Variants in CIT observed in about 807,000 individuals in gnomAD.
CIT encodes the protein citron Rho-interacting kinase.
Under a neutral mutation model 272.7 loss-of-function variants are expected in CIT, and 79 were observed. That is an observed-to-expected ratio of 0.29 (90% CI 0.24 to 0.35). The LOEUF is 0.35. Among genes scored for constraint, CIT ranks in the 10% least tolerant of loss-of-function variants. The probability of loss-of-function intolerance (pLI) is 1.00; values close to 1 mark genes in which losing one functional copy is unlikely to be tolerated. For missense variants in CIT, 1,909 were observed against 2,618.3 expected, an observed-to-expected ratio of 0.73 and a Z score of 5.91; for synonymous variants, 948 against 995.6, an observed-to-expected ratio of 0.95 and a Z score of 0.90.
Position 119,712,579 on chromosome 12 carries a change from G to A in CIT, c.4684+12C>T, listed in dbSNP as rs1957223927. On this transcript the variant is annotated intron_variant, in intron 36 of 47. Transcript: ENST00000392521. The surrounding 1 kb of genome is among the most constrained non-coding windows in gnomAD (Gnocchi z 5.2). The stretch of plus-strand genomic sequence containing the variant: ...CCACCTCCAGGGCGGGGCTCCTCCG[G>A]CTCCTCCTCACCTGCTTTGGCTGTA... 4 of 1,612,684 alleles carry A rather than the reference G, an allele frequency of 2.5e-6. No homozygotes were observed. The highest frequency in any genetic ancestry group is 8.5e-7 in the Non-Finnish European group (1 of 1,178,862).
chr12:119,755,696 C>A (rs1593610806), intron 22 of CIT, among the ~76,000 whole-genome samples: 3 of 152,314 alleles, frequency 2.0e-5, no homozygotes, highest in African/African-American at 4.8e-5. Flanking sequence ...TACAAATTGG[C>A]ACACAGCAGA....
intron 23 of CIT, chr12:119,742,980 A>T (rs1959134531): frequency 6.6e-6 from 1 of 152,328 alleles, no homozygotes; most frequent in South Asian, 2.1e-4. Context: ...AGCTGCGGAC[A>T]TTCAGAAAAC....
chr12:119,866,434 T>G (rs956071199), intron 3 of CIT, among the ~76,000 whole-genome samples: 3 of 152,224 alleles, frequency 2.0e-5, no homozygotes, highest in African/African-American at 7.2e-5. Flanking sequence ...AGAGACCATG[T>G]AGCTCAGAGG....
chr12:119,867,498 T>C (rs1184047539), intron 3 of CIT, among the ~76,000 whole-genome samples: 2 of 152,178 alleles, frequency 1.3e-5, no homozygotes, highest in Non-Finnish European at 2.9e-5. Flanking sequence ...ACAGTGACTA[T>C]TGTTTTAAGT....
chr12:119,827,194 C>T (rs781775252), intron 7 of CIT, among the ~76,000 whole-genome samples: 5 of 152,090 alleles, frequency 3.3e-5, no homozygotes, highest in Non-Finnish European at 5.9e-5. Flanking sequence ...CTATCCAAAA[C>T]CCACAGGCAG....
intron 2 of CIT, among the ~76,000 whole-genome samples, chr12:119,872,999 T>A (rs1950729476): frequency 6.6e-6 from 1 of 151,948 alleles, no homozygotes; most frequent in Non-Finnish European, 1.5e-5. Context: ...GGTTTCACCA[T>A]TTTGCCCAGG....
chr12:119,784,069 A>G lies in CIT; in HGVS notation c.1402-18T>C. ...TGCTCCATCTGAAATAAACACATCG[A>G]CAGGTTAAAAAGGCCCGTGGAGGTT... On this transcript the variant is annotated intron_variant, in intron 11 of 47. Transcript: ENST00000392521. This position sits in a 1 kb window ranked among gnomAD's most constrained non-coding sequence, Gnocchi z 4.7. 1 of 1,613,122 alleles carries G rather than the reference A, an allele frequency of 6.2e-7. No individual in the cohort carries two copies. Among genetic ancestry groups the G allele is most frequent in the South Asian group, 1.1e-5 (1 of 90,940 alleles).
At position 119,728,483 on chromosome 12, in the gene CIT, C is replaced by T. The variant is rs1166658692; in HGVS notation, c.3591+19G>A. The T allele has an allele frequency of 2.0e-5, 30 of 1,526,880 alleles. No individual in the cohort carries two copies. Among genetic ancestry groups the T allele is most frequent in the Non-Finnish European group, 2.4e-5 (27 of 1,119,298 alleles). The allele number at this position is 1,526,880 out of a possible 1,614,324, so 94.6% of individuals were successfully genotyped here. Reference sequence around the variant, plus strand: ...AAAAAAAATCCACTTGGCCCTTCTCCCAGGTATTTCACACTCACCTCTTCC... The same window carrying T: ...AAAAAAAATCCACTTGGCCCTTCTCTCAGGTATTTCACACTCACCTCTTCC... On this transcript the variant is annotated intron_variant, in intron 28 of 47. Coordinates refer to ENST00000392521, the MANE Select transcript of CIT (RefSeq NM_001206999.2). The surrounding 1 kb of genome is among the most constrained non-coding windows in gnomAD (Gnocchi z 4.3).
chr12:119,782,199 T>C (rs909333667), intron 13 of CIT: 8 of 188,204 alleles, frequency 4.3e-5, no homozygotes, highest in African/African-American at 9.3e-5. Context: ...TTGTGGGCCA[T>C]AGAAAATAGG....
intron 4 of CIT, among the ~76,000 whole-genome samples, chr12:119,857,303 T>A (rs1413019267): frequency 6.6e-6 from 1 of 152,188 alleles, no homozygotes; most frequent in Non-Finnish European, 1.5e-5. Context: ...GATAGAAACA[T>A]GATACATCAA....
At chr12:119,731,734 T>C (rs1175180978) in intron 26 of CIT, among the ~76,000 whole-genome samples, 3 of 151,230 alleles carry the variant, frequency 2.0e-5, no homozygotes, top group Non-Finnish European at 4.4e-5. Context: ...ATGATCTCCA[T>C]AAAACTATTC....
chr12:119,708,130 T>G, intron 40 of CIT, 49 bp downstream of exon 40: 2 of 1,455,882 alleles, frequency 1.4e-6, no homozygotes, highest in Non-Finnish European at 1.8e-6. Context: ...AGAGAGGTAG[T>G]GTCAATTTCC....
chr12:119,697,738 A>T lies in CIT; in HGVS notation c.5803T>A (p.Leu1935Ile). ...TTTCCCTTGCAGCAAATGACCCTTA[A>T]TTTATCCTGGTATGAGGACGCCAAG... ...IYLASSYQDK[L>I]RVICCKGNLV... The change falls in exon 46 of 48, where the codon TTA becomes ATA. Residue 1935 changes from leucine to isoleucine, a missense_variant. Leu to Ile is a conservative substitution (Grantham distance 5). Coordinates refer to ENST00000392521, the MANE Select transcript of CIT (RefSeq NM_001206999.2). The surrounding 1 kb of genome is among the most constrained non-coding windows in gnomAD (Gnocchi z 4.9). 6.2e-7 allele frequency: 1 copy of T among 1,614,102 alleles called. No individual in the cohort carries two copies. The highest frequency in any genetic ancestry group is 1.1e-5 in the South Asian group (1 of 91,084).
intron 28 of CIT, among the ~76,000 whole-genome samples, chr12:119,723,118 T>C (rs903717423): frequency 2.0e-5 from 3 of 152,060 alleles, no homozygotes; most frequent in Non-Finnish European, 4.4e-5. Flanking sequence ...ATCTGGAATT[T>C]CTCAATCAAA....
chr12:119,779,590 T>C (rs1964100303), intron 13 of CIT, among the ~76,000 whole-genome samples: 1 of 152,194 alleles, frequency 6.6e-6, no homozygotes, highest in Admixed American at 6.5e-5. Flanking sequence ...CACCAAATCT[T>C]GAGCATCTTT....
At position 119,869,020 on chromosome 12, in the gene CIT, C is replaced by G. The variant is rs527994898; in HGVS notation, c.238+40G>C. On this transcript the variant is annotated intron_variant, in intron 3 of 47. Coordinates refer to ENST00000392521, the MANE Select transcript of CIT (RefSeq NM_001206999.2). The stretch of plus-strand genomic sequence containing the variant: ...CCTCAAGCATCTTTCTAGTTTTTCT[C>G]TCTCAGGACAGTTTTCAAGAAAAAG... 1.1e-5 allele frequency: 17 copies of G among 1,603,868 alleles called. No individual in the cohort carries two copies. In the East Asian group the frequency reaches 3.1e-4, roughly 29 times the overall value.
chr12:119,699,562 A>G (rs921059416), intron 44 of CIT, among the ~76,000 whole-genome samples: 1 of 152,196 alleles, frequency 6.6e-6, no homozygotes, highest in East Asian at 1.9e-4. Flanking sequence ...GGTGGAAGTG[A>G]GCACGCTTGC....
In CIT at chr12:119,784,804, G is replaced by A. The variant is rs1964620295; in HGVS notation, c.1401+156C>T. On this transcript the variant is annotated intron_variant, in intron 11 of 47. Coordinates refer to ENST00000392521, the MANE Select transcript of CIT (RefSeq NM_001206999.2). The surrounding 1 kb of genome is among the most constrained non-coding windows in gnomAD (Gnocchi z 4.7). ...GCAAGGCCCGAATTCATCTCCCTCT[G>A]AGCTGCTGGAGGCGCGACTTCAGCG... is the stretch of plus-strand genomic sequence containing the variant. 2.1e-6 allele frequency: 3 copies of A among 1,442,414 alleles called. No homozygotes were observed. Among genetic ancestry groups the A allele is most frequent in the Non-Finnish European group, 2.7e-6 (3 of 1,099,774 alleles). The allele number at this position is 1,442,414 out of a possible 1,614,324, so 89.4% of individuals were successfully genotyped here.
In CIT at chr12:119,760,950, C is replaced by T. The variant is rs778899534; in HGVS notation, c.2410G>A (p.Glu804Lys). 3.7e-6 allele frequency: 6 copies of T among 1,612,274 alleles called. No homozygotes were observed. The highest frequency in any genetic ancestry group is 2.2e-5 in the East Asian group (1 of 44,898). The change falls in exon 20 of 48, where the codon GAA (glutamate) becomes AAA (lysine). Residue 804 changes from glutamate to lysine, a missense_variant. Physicochemically the swap from Glu to Lys is moderately conservative, Grantham distance 56. Around this residue, in one of 8 missense-constraint regions of CIT, gnomAD observed 530 missense variants for 822.4 expected, o/e 0.64. Coordinates refer to ENST00000392521, the MANE Select transcript of CIT (RefSeq NM_001206999.2). ...CTCCTTCTACCTACCGCCTTCTGTT[C>T]GCTGAGAATTTTGCCCTTCTCATGG... ...EAHEKGKILS[E>K]QKAMINAMDS...
Sources: allele counts gnomAD v4.1 joint callset (sites outside exome capture counted in the v4.1 genomes callset), GRCh38; gene constraint gnomAD v4.1.1; regional missense constraint gnomAD v4.1.1; non-coding constraint Gnocchi (gnomAD v3.1); transcripts MANE v1.5; gene names NCBI Gene and HGNC (gene_info 2026-07-23, HGNC 2026-07-21).